The following CCDC195 variants were observed in gnomAD, a reference collection of about 807,000 sequenced individuals.
CCDC195 encodes the protein coiled-coil domain-containing protein 195.
intron 2 of CCDC195, 118 bp downstream of exon 2, chr2:224,709,855 T>G (rs1488881608): frequency 1.0e-5 from 4 of 397,414 alleles, no homozygotes; most frequent in Non-Finnish European, 1.8e-5. Context: ...TGGAAATTAT[T>G]TATATGCTAT....
At chr2:224,710,835 AG>A (rs1689311852) in intron 1 of CCDC195, among the ~76,000 whole-genome samples, 1 of 152,220 alleles carries the variant, frequency 6.6e-6, no homozygotes, top group African/African-American at 2.4e-5. Context: ...CATTCTAGGA[AG>A]GCAAATAAGG....
intron 1 of CCDC195, among the ~76,000 whole-genome samples, chr2:224,712,761 G>A (rs1251891196): frequency 6.6e-6 from 1 of 152,168 alleles, no homozygotes; most frequent in Non-Finnish European, 1.5e-5. Context: ...TTCCAAAAAA[G>A]GATTGGAGAA....
intron 1 of CCDC195, among the ~76,000 whole-genome samples, chr2:224,714,206 G>A (rs1274962764): frequency 6.6e-6 from 1 of 152,096 alleles, no homozygotes; most frequent in Non-Finnish European, 1.5e-5. Flanking sequence ...TGCTGAAGAA[G>A]TATGATATCA....
intron 2 of CCDC195, among the ~76,000 whole-genome samples, chr2:224,707,998 C>CCCTT (rs1689246226): frequency 2.3e-5 from 1 of 43,642 alleles, no homozygotes. Flanking sequence ...CTCCCTCCCT[C>CCCTT]CCTTCCTTCC....
exon 1 of CCDC195, chr2:224,716,296 C>T: frequency 5.0e-6 from 2 of 398,684 alleles, no homozygotes; most frequent in South Asian, 2.5e-4. Context: ...GCTTGATTCT[C>T]TTTCTCCAGT....
At chr2:224,707,972 T>TTCCCTTCCTCCCTCCC (rs1689241516) in intron 2 of CCDC195, among the ~76,000 whole-genome samples, 1 of 59,104 alleles carries the variant, frequency 1.7e-5, no homozygotes, top group Non-Finnish European at 3.0e-5. Context: ...CCCTCCCTTC[T>TTCCCTTCCTCCCTCCC]TCCCTCCCTC....
chr2:224,704,599 TCTTTTC>T (rs1697215551), intron 2 of CCDC195, among the ~76,000 whole-genome samples: 1 of 101,196 alleles, frequency 9.9e-6, no homozygotes, highest in African/African-American at 4.5e-5. Context: ...CTTTTTTTTT[TCTTTTC>T]TTTTCTTTTT....
chr2:224,715,770 T>TA (rs1321358322), intron 1 of CCDC195, among the ~76,000 whole-genome samples: 1 of 152,210 alleles, frequency 6.6e-6, no homozygotes. Flanking sequence ...TCCAGCCTTA[T>TA]AAGTGTGCGT....
chr2:224,714,026 A>C (rs573700962), intron 1 of CCDC195, among the ~76,000 whole-genome samples: 6 of 151,736 alleles, frequency 4.0e-5, no homozygotes, highest in Admixed American at 1.3e-4. Context: ...CTTTGTAGAG[A>C]TGGCGGTCTC....
intron 1 of CCDC195, among the ~76,000 whole-genome samples, chr2:224,715,781 G>T (rs115715486): frequency 4.1e-4 from 62 of 152,246 alleles, no homozygotes; most frequent in African/African-American, 1.4e-3. Flanking sequence ...AAGTGTGCGT[G>T]CCATTTGACA....
intron 2 of CCDC195, among the ~76,000 whole-genome samples, chr2:224,708,466 T>C (rs1689255825): frequency 6.6e-6 from 1 of 152,202 alleles, no homozygotes; most frequent in Non-Finnish European, 1.5e-5. Flanking sequence ...GTCTGTTTCG[T>C]TCTACCTGGG....
At chr2:224,708,513 T>C (rs898004205) in intron 2 of CCDC195, among the ~76,000 whole-genome samples, 2 of 152,162 alleles carry the variant, frequency 1.3e-5, no homozygotes, top group African/African-American at 4.8e-5. Flanking sequence ...AATCTAGTAG[T>C]CCTTGGTGAC....
exon 2 of CCDC195, chr2:224,710,210 A>C: frequency 5.0e-6 from 2 of 398,628 alleles, no homozygotes; most frequent in Non-Finnish European, 8.8e-6. Context: ...TCTAACAATC[A>C]TGACATTGCC....
chr2:224,715,332 C>G (rs1006539018), intron 1 of CCDC195, among the ~76,000 whole-genome samples: 5 of 152,216 alleles, frequency 3.3e-5, no homozygotes, highest in African/African-American at 1.2e-4. Context: ...ATATTTCTCA[C>G]TCTGCTGATT....
intron 2 of CCDC195, among the ~76,000 whole-genome samples, chr2:224,705,025 A>G (rs142333940): frequency 9.2e-5 from 14 of 152,128 alleles, no homozygotes; most frequent in African/African-American, 2.4e-4. Flanking sequence ...CGGTCACTCA[A>G]CCACCTCATT....
chr2:224,716,152 G>T (rs1448198862), exon 1 of CCDC195: 1 of 398,738 alleles, frequency 2.5e-6, no homozygotes, highest in Non-Finnish European at 4.4e-6. Context: ...TGCACTGCTG[G>T]TGCTGCATCA....
At chr2:224,715,057 T>C (rs965176927) in intron 1 of CCDC195, among the ~76,000 whole-genome samples, 3 of 152,104 alleles carry the variant, frequency 2.0e-5, no homozygotes, top group African/African-American at 2.4e-5. Context: ...GCCTCCCCAG[T>C]AGCTGAGATT....
intron 2 of CCDC195, among the ~76,000 whole-genome samples, chr2:224,708,161 T>C (rs1689252013): frequency 6.6e-6 from 1 of 152,144 alleles, no homozygotes; most frequent in Non-Finnish European, 1.5e-5. Context: ...AGCCACATTT[T>C]ATTTCTTTTA....
At chr2:224,715,347 A>G (rs768053283) in intron 1 of CCDC195, among the ~76,000 whole-genome samples, 5 of 152,288 alleles carry the variant, frequency 3.3e-5, no homozygotes, top group Non-Finnish European at 7.3e-5. Context: ...CTGATTTCTG[A>G]CCCCATGTGT....
Sources: allele counts gnomAD v4.1 joint callset (sites outside exome capture counted in the v4.1 genomes callset), GRCh38; gene constraint gnomAD v4.1.1; transcripts MANE v1.5; gene names NCBI Gene and HGNC (gene_info 2026-07-23, HGNC 2026-07-21).